The following SNX7 variants were observed in gnomAD, a reference collection of about 807,000 sequenced individuals.
SNX7 encodes the protein sorting nexin-7.
In SNX7, 35 loss-of-function variants were observed where a neutral mutation model predicts 48.4. The ratio of observed to expected loss-of-function variants is 0.72; its 90% CI spans 0.55 to 0.96. The LOEUF is 0.96. Among genes scored for constraint, SNX7 ranks in the 40% least tolerant of loss-of-function variants. SNX7 has a pLI of 0.00. For missense variants in SNX7, 553 were observed against 548.9 expected (o/e 1.01, Z -0.07); for synonymous variants, 190 against 190.2 (o/e 1.00, Z 0.01).
chr1:98,709,815 T>G (rs965946192), intron 7 of SNX7, among the ~76,000 whole-genome samples: 1 of 152,200 alleles, frequency 6.6e-6, no homozygotes, highest in Admixed American at 6.5e-5. Flanking sequence ...TGTGTCAAAC[T>G]CACCCTTGGC....
rs1570521527 is a variant in SNX7, at chr1:98,691,284, T to A, written c.474+99T>A. The A allele has an allele frequency of 7.8e-6, 5 of 645,080 alleles. No individual in the cohort carries two copies. The East Asian group carries it at 1.5e-4, about 20-fold the overall frequency. The allele number at this position is 645,080 out of a possible 1,614,324, so 40.0% of individuals were successfully genotyped here. A position where few individuals can be genotyped will look rare whatever the true frequency, so the allele number is the denominator to read the frequency against. ...CTAATTTCAGACCTTAAGTTCACTG[T>A]AATTCATTTATCTTAGGAATAATAT... On this transcript the variant is annotated intron_variant, in intron 3 of 8. Coordinates refer to ENST00000306121, the MANE Select transcript of SNX7 (RefSeq NM_015976.5).
At chr1:98,729,604 A>G (rs930069144) in intron 7 of SNX7, among the ~76,000 whole-genome samples, 2 of 152,174 alleles carry the variant, frequency 1.3e-5, no homozygotes, top group African/African-American at 4.8e-5. Flanking sequence ...ACAGAAACAT[A>G]AACAACCATC....
At chr1:98,726,757 A>G (rs889090207) in intron 7 of SNX7, among the ~76,000 whole-genome samples, 2 of 152,160 alleles carry the variant, frequency 1.3e-5, no homozygotes, top group African/African-American at 4.8e-5. Flanking sequence ...CTCTAAGGCA[A>G]CTGTTAAGGT....
chr1:98,709,918 C>A (rs74755619), intron 7 of SNX7, among the ~76,000 whole-genome samples: 3 of 152,018 alleles, frequency 2.0e-5, no homozygotes, highest in African/African-American at 7.3e-5. Flanking sequence ...TGTGGAAGCT[C>A]TCTTATATGG....
intron 8 of SNX7, among the ~76,000 whole-genome samples, chr1:98,741,663 T>C (rs1323778938): frequency 6.6e-6 from 1 of 152,130 alleles, no homozygotes; most frequent in Non-Finnish European, 1.5e-5. Flanking sequence ...GATACCCAAA[T>C]AATGAAAGAA....
chr1:98,682,047 C>A (rs1289393629), intron 1 of SNX7, among the ~76,000 whole-genome samples: 1 of 151,514 alleles, frequency 6.6e-6, no homozygotes, highest in East Asian at 1.9e-4. Context: ...TGCTTCCTAT[C>A]ACATTTATGT....
intron 7 of SNX7, among the ~76,000 whole-genome samples, chr1:98,708,239 TAC>T (rs374284105): frequency 2.0e-5 from 3 of 151,886 alleles, no homozygotes; most frequent in African/African-American, 7.3e-5. Context: ...TGTATACATA[TAC>T]ACACACACAC....
intron 7 of SNX7, among the ~76,000 whole-genome samples, chr1:98,714,298 T>C (rs1353138639): frequency 6.6e-6 from 1 of 152,166 alleles, no homozygotes; most frequent in African/African-American, 2.4e-5. Context: ...CATTCACATA[T>C]ATCAGCCAAT....
intron 7 of SNX7, 90 bp downstream of exon 7, chr1:98,701,993 A>G (rs769196699): frequency 3.5e-6 from 3 of 858,658 alleles, no homozygotes; most frequent in South Asian, 1.9e-5. Flanking sequence ...TCCTTACATG[A>G]TTGTTTCTTA....
chr1:98,755,385 G>T (rs11166108), intron 8 of SNX7, among the ~76,000 whole-genome samples: 1 of 151,758 alleles, frequency 6.6e-6, no homozygotes, highest in Non-Finnish European at 1.5e-5. Flanking sequence ...CTTGAGAGGG[G>T]TATCAAAATC....
chr1:98,724,245 C>T (rs950424994), intron 7 of SNX7, among the ~76,000 whole-genome samples: 67 of 151,748 alleles, frequency 4.4e-4, no homozygotes, highest in African/African-American at 1.6e-3. Context: ...TCATGTTAAC[C>T]ATTCTTGGGG....
At chr1:98,691,433 G>A (rs1651117922) in intron 3 of SNX7, 102 bp from the exon 4 acceptor site, 5 of 967,680 alleles carry the variant, frequency 5.2e-6, no homozygotes, top group Non-Finnish European at 7.2e-6. Flanking sequence ...TATAAGAAAT[G>A]ATCAGATGTT....
intron 8 of SNX7, among the ~76,000 whole-genome samples, chr1:98,755,500 C>T (rs1380336378): frequency 6.6e-6 from 1 of 151,886 alleles, no homozygotes; most frequent in Non-Finnish European, 1.5e-5. Context: ...ATGGATGGCC[C>T]TTTTATCATT....
intron 8 of SNX7, among the ~76,000 whole-genome samples, chr1:98,757,768 G>T (rs1427699922): frequency 6.6e-6 from 1 of 151,900 alleles, no homozygotes; most frequent in Non-Finnish European, 1.5e-5. Flanking sequence ...AGGCAAAAGA[G>T]CCTTTCCAGT....
intron 2 of SNX7, among the ~76,000 whole-genome samples, chr1:98,688,631 G>A (rs1223283412): frequency 1.3e-5 from 2 of 152,014 alleles, no homozygotes; most frequent in Non-Finnish European, 2.9e-5. Context: ...ACTGAAGGTT[G>A]GTATTTTTGG....
chr1:98,661,978 C>G (rs1649253389), intron 1 of SNX7, 67 bp downstream of exon 1: 1 of 1,237,530 alleles, frequency 8.1e-7, no homozygotes, highest in Non-Finnish European at 1.0e-6. Context: ...AGCATTGCGC[C>G]GACGGCTGCC....
chr1:98,661,790 C>G lies in SNX7; in HGVS notation c.59C>G (p.Ala20Gly), dbSNP rs1245887830. 5.6e-6 allele frequency: 7 copies of G among 1,243,924 alleles called. No homozygotes were observed. Among genetic ancestry groups the G allele is most frequent in the Non-Finnish European group, 6.1e-6 (6 of 986,792 alleles). The allele number at this position is 1,243,924 out of a possible 1,614,324, so 77.1% of individuals were successfully genotyped here. The change falls in exon 1 of 9, where the codon GCC becomes GGC. Residue 20 changes from alanine to glycine, a missense_variant. Physicochemically the swap from Ala to Gly is moderately conservative, Grantham distance 60. Coordinates refer to ENST00000306121, the MANE Select transcript of SNX7 (RefSeq NM_015976.5). ...APSSGLPAGGANGESPGGGAP... is the reference protein window; with the variant it reads ...APSSGLPAGGGNGESPGGGAP... ...TCCTCGGGCCTCCCGGCCGGGGGCG[C>G]CAACGGGGAGAGCCCGGGGGGCGGC...
intron 8 of SNX7, among the ~76,000 whole-genome samples, chr1:98,744,511 G>GT (rs1369249842): frequency 7.9e-5 from 12 of 151,924 alleles, no homozygotes; most frequent in Non-Finnish European, 1.8e-4. Flanking sequence ...TCAAATGAGA[G>GT]TAGGTATGAG....
intron 4 of SNX7, among the ~76,000 whole-genome samples, chr1:98,692,098 T>C (rs1651174746): frequency 6.6e-6 from 1 of 152,022 alleles, no homozygotes; most frequent in Admixed American, 6.6e-5. Context: ...CCTTATGAAA[T>C]TGAAAATCCA....
Sources: gnomAD v4.1 joint callset for allele counts (sites outside exome capture counted in the v4.1 genomes callset) on GRCh38, gnomAD v4.1.1 for gene constraint, MANE v1.5 for transcripts, NCBI Gene and HGNC (gene_info 2026-07-23, HGNC 2026-07-21) for gene names.